Variants in CSMD3 observed in about 807,000 individuals in gnomAD.
CSMD3 encodes the protein CUB and Sushi multiple domains 3, also known as CUB and sushi domain-containing protein 3.
A neutral mutation model predicts 435.2 loss-of-function variants in CSMD3; 177 were observed. The observed-to-expected ratio is 0.41, with a 90% CI of 0.36 to 0.46. CSMD3 has a LOEUF of 0.46. CSMD3 is among the 20% of genes least tolerant of loss of function. The pLI, the probability that CSMD3 is intolerant of heterozygous loss-of-function variation, is 0.34. For synonymous variants in CSMD3, 1,656 were observed against 1,520.5 expected, an observed-to-expected ratio of 1.09 and a Z score of -2.07; for missense variants, 4,265 against 4,504.6, an observed-to-expected ratio of 0.95 and a Z score of 1.52.
intron 3 of CSMD3, among the ~76,000 whole-genome samples, chr8:113,259,056 G>A (rs193065696): frequency 2.4e-4 from 37 of 152,222 alleles, no homozygotes; most frequent in African/African-American, 8.2e-4. Context: ...ATTCAGGAAA[G>A]ATATCTAATT....
chr8:112,789,117 A>G (rs572217886), intron 13 of CSMD3, among the ~76,000 whole-genome samples: 1 of 152,262 alleles, frequency 6.6e-6, no homozygotes, highest in Non-Finnish European at 1.5e-5. Flanking sequence ...CTCAAAAGAT[A>G]CAAAAATGTG....
rs59035792 is a variant in CSMD3, at chr8:112,845,038, A to T, written c.1755+14107T>A. ...TAGTAGTGGGAACAGTAGTGGAAAA[A>T]ATACAAACAAAAATGCTTTGCCATT... On this transcript the variant is annotated intron_variant, in intron 11 of 70. Coordinates refer to ENST00000297405, the MANE Select transcript of CSMD3 (RefSeq NM_198123.2). 6.5e-3 allele frequency among the ~76,000 whole-genome samples: 982 copies of T among 152,122 alleles called. 19 individuals are homozygous for T. In the East Asian group the frequency reaches 0.075, roughly 12 times the overall value.
intron 11 of CSMD3, among the ~76,000 whole-genome samples, chr8:112,850,945 T>A (rs231310): frequency 0.82 from 124,066 of 152,160 alleles, 50,787 homozygotes; most frequent in African/African-American, 0.88. Flanking sequence ...AATAGTAAAG[T>A]CTAGTAAAAG....
At chr8:112,339,662 A>G (rs548639084) in intron 42 of CSMD3, among the ~76,000 whole-genome samples, 2 of 152,290 alleles carry the variant, frequency 1.3e-5, no homozygotes, top group African/African-American at 4.8e-5. Context: ...TGTCAGTAAT[A>G]ACATTAATTT....
chr8:112,623,617 A>G (rs1469826792), intron 22 of CSMD3, among the ~76,000 whole-genome samples: 7 of 103,306 alleles, frequency 6.8e-5, no homozygotes, highest in Non-Finnish European at 1.2e-4. Context: ...TGCACCCACT[A>G]ACTCGTCATC....
chr8:113,052,130 G>T (rs960840943), intron 5 of CSMD3, among the ~76,000 whole-genome samples: 2 of 152,114 alleles, frequency 1.3e-5, no homozygotes, highest in African/African-American at 4.8e-5. Flanking sequence ...ACCAAGTAAA[G>T]ATGTAAAAAT....
chr8:113,322,138 T>C (rs1426414768), intron 1 of CSMD3, among the ~76,000 whole-genome samples: 1 of 152,138 alleles, frequency 6.6e-6, no homozygotes, highest in Admixed American at 6.5e-5. Flanking sequence ...TTATGATGCC[T>C]TCATTAGTTT....
chr8:112,536,131 A>G (rs1826056049), intron 27 of CSMD3, among the ~76,000 whole-genome samples: 1 of 152,186 alleles, frequency 6.6e-6, no homozygotes, highest in Non-Finnish European at 1.5e-5. Context: ...TCATGTCCAA[A>G]ACACCAAAAG....
chr8:112,762,843 TA>T (rs2132155764), intron 13 of CSMD3, among the ~76,000 whole-genome samples: 1 of 151,934 alleles, frequency 6.6e-6, no homozygotes, highest in African/African-American at 2.4e-5. Context: ...ATGTGGAGTC[TA>T]AAAAAGTTGA....
chr8:112,400,428 C>G (rs1478524569), intron 35 of CSMD3, among the ~76,000 whole-genome samples: 3 of 152,066 alleles, frequency 2.0e-5, no homozygotes, highest in Non-Finnish European at 4.4e-5. Flanking sequence ...AATATTTAAA[C>G]CATAGCAAGA....
chr8:112,542,465 C>T, intron 27 of CSMD3, among the ~76,000 whole-genome samples: 1 of 151,592 alleles, frequency 6.6e-6, no homozygotes, highest in East Asian at 1.9e-4. Flanking sequence ...AATAAAGTTT[C>T]AGGATACAAA....
At chr8:112,828,389 T>C (rs534140584) in intron 12 of CSMD3, among the ~76,000 whole-genome samples, 1 of 152,266 alleles carries the variant, frequency 6.6e-6, no homozygotes, top group African/African-American at 2.4e-5. Context: ...ATTTCTCCCA[T>C]GCTGTTGTCA....
intron 3 of CSMD3, among the ~76,000 whole-genome samples, chr8:113,255,675 C>T (rs2093373849): frequency 6.6e-6 from 1 of 151,608 alleles, no homozygotes; most frequent in Non-Finnish European, 1.5e-5. Flanking sequence ...AGGGTGCCAA[C>T]AAATAAAAAA....
intron 5 of CSMD3, among the ~76,000 whole-genome samples, chr8:113,043,168 G>A (rs1188471493): frequency 1.3e-5 from 2 of 152,062 alleles, no homozygotes. Flanking sequence ...TACATAATAG[G>A]TCACCCTTAA....
chr8:112,770,516 G>C (rs1587239493), intron 13 of CSMD3, among the ~76,000 whole-genome samples: 1 of 151,916 alleles, frequency 6.6e-6, no homozygotes, highest in East Asian at 2.0e-4. Context: ...CCATTCTCAG[G>C]TATTCTGTTA....
chr8:113,024,980 T>A (rs2086820409), intron 5 of CSMD3, among the ~76,000 whole-genome samples: 1 of 152,188 alleles, frequency 6.6e-6, no homozygotes, highest in South Asian at 2.1e-4. Context: ...ACATGTGGTG[T>A]TTGTCTTTCT....
chr8:112,496,961 T>C (rs1275977386), intron 30 of CSMD3, among the ~76,000 whole-genome samples: 6 of 152,192 alleles, frequency 3.9e-5, no homozygotes, highest in Non-Finnish European at 7.4e-5. Context: ...TATAGTTTGA[T>C]TGTTTGTAAC....
chr8:113,272,522 G>T (rs549497109), intron 3 of CSMD3, among the ~76,000 whole-genome samples: 3 of 150,878 alleles, frequency 2.0e-5, no homozygotes, highest in African/African-American at 7.3e-5. Flanking sequence ...GTGTGTTTGG[G>T]GTTTCTGCTT....
chr8:112,684,104 A>G lies in CSMD3; in HGVS notation c.2482+1302T>C, dbSNP rs540150332. 3.9e-5 allele frequency among the ~76,000 whole-genome samples: 6 copies of G among 152,012 alleles called. 1 individual carries two copies. The South Asian group carries it at 8.3e-4, about 21-fold the overall frequency. On this transcript the variant is annotated intron_variant, in intron 15 of 70. Coordinates refer to ENST00000297405, the MANE Select transcript of CSMD3 (RefSeq NM_198123.2). ...ACCAGGAAAAGGGAGACCTATTTCC[A>G]TAATACCCTGAAAAACTATCAACAT...
Sources: gnomAD v4.1 joint callset for allele counts (sites outside exome capture counted in the v4.1 genomes callset) on GRCh38, gnomAD v4.1.1 for gene constraint, MANE v1.5 for transcripts, NCBI Gene and HGNC (gene_info 2026-07-23, HGNC 2026-07-21) for gene names.